The following CNTLN variants were observed in gnomAD, a reference collection of about 807,000 sequenced individuals.
The protein encoded by CNTLN is centlein, centrosomal protein.
CNTLN carries 212 observed loss-of-function variants against 180.0 expected under a neutral mutation model. That is an observed-to-expected ratio of 1.18 (90% CI 1.05 to 1.32). CNTLN has a LOEUF of 1.32. Among genes scored for constraint, CNTLN ranks in the 40% most tolerant of loss-of-function variants. The pLI, the probability that CNTLN is intolerant of heterozygous loss-of-function variation, is 0.00. For missense variants in CNTLN, 2,095 were observed against 1,610.9 expected, an observed-to-expected ratio of 1.30 and a Z score of -5.14; for synonymous variants, 722 against 563.1, an observed-to-expected ratio of 1.28 and a Z score of -3.99.
chr9:17,171,908 C>T (rs1479657376), intron 2 of CNTLN, among the ~76,000 whole-genome samples: 3 of 152,114 alleles, frequency 2.0e-5, no homozygotes, highest in Admixed American at 6.6e-5. Flanking sequence ...ATTAGAGTAG[C>T]CATGGAGCCA....
chr9:17,271,559 A>C (rs757000899), intron 5 of CNTLN, among the ~76,000 whole-genome samples: 1 of 152,150 alleles, frequency 6.6e-6, no homozygotes, highest in Non-Finnish European at 1.5e-5. Context: ...TAAAATACAT[A>C]TATTATATCC....
chr9:17,330,971 G>A (rs955837875), intron 9 of CNTLN, among the ~76,000 whole-genome samples, 163 bp downstream of exon 9: 5 of 151,912 alleles, frequency 3.3e-5, no homozygotes, highest in Admixed American at 6.6e-5. Context: ...TTAGGAGTAA[G>A]GAGTTTTCCC....
At chr9:17,385,629 C>T (rs1383765012) in intron 13 of CNTLN, among the ~76,000 whole-genome samples, 1 of 152,074 alleles carries the variant, frequency 6.6e-6, no homozygotes, top group African/African-American at 2.4e-5. Context: ...GGTTCCACAT[C>T]CCTGGATTCA....
At chr9:17,327,386 G>A (rs368776598) in intron 8 of CNTLN, among the ~76,000 whole-genome samples, 72 of 151,368 alleles carry the variant, frequency 4.8e-4, no homozygotes, top group African/African-American at 1.6e-3. Context: ...GGGTTTCACC[G>A]TGTTAGCCAG....
intron 2 of CNTLN, among the ~76,000 whole-genome samples, chr9:17,202,091 A>G (rs1822572932): frequency 6.6e-6 from 1 of 152,142 alleles, no homozygotes; most frequent in Admixed American, 6.5e-5. Flanking sequence ...TTTGTTATTT[A>G]CCCAGTAGTC....
intron 23 of CNTLN, among the ~76,000 whole-genome samples, chr9:17,471,847 T>G (rs1274103441): frequency 7.9e-5 from 12 of 152,056 alleles, no homozygotes; most frequent in Non-Finnish European, 1.5e-5. Context: ...CACCCAGTGT[T>G]GAAAACAGGC....
rs1245062859 is a variant in CNTLN at position 17,336,403 on chromosome 9, T to G, written c.1644+3673T>G. Among the ~76,000 whole-genome samples, 4 of 152,210 alleles carry G rather than the reference T, an allele frequency of 2.6e-5. No homozygotes were observed. The East Asian group carries it at 5.8e-4, about 22-fold the overall frequency. ...TGTATCTATCTTATATTTACATTTT[T>G]ATAAAACTTTACTCTCTATTGCTGA... is the stretch of plus-strand genomic sequence containing the variant. On this transcript the variant is annotated intron_variant, in intron 10 of 25. Coordinates refer to ENST00000380647, the MANE Select transcript of CNTLN (RefSeq NM_017738.4).
chr9:17,174,154 T>G (rs1057071851), intron 2 of CNTLN, among the ~76,000 whole-genome samples: 1 of 152,228 alleles, frequency 6.6e-6, no homozygotes, highest in African/African-American at 2.4e-5. Context: ...CTTTCAAATT[T>G]TTGTATATAT....
chr9:17,155,786 A>G (rs548807081), intron 2 of CNTLN, among the ~76,000 whole-genome samples: 81 of 150,488 alleles, frequency 5.4e-4, no homozygotes, highest in South Asian at 1.1e-3. Context: ...AGGGTATGGA[A>G]AAAAAAAAAG....
intron 12 of CNTLN, among the ~76,000 whole-genome samples, chr9:17,358,129 T>C (rs1479405036): frequency 1.3e-5 from 2 of 152,084 alleles, no homozygotes; most frequent in Non-Finnish European, 2.9e-5. Context: ...GAGATTCTTA[T>C]GATGTTTTTA....
chr9:17,299,425 T>C, intron 7 of CNTLN: 3 of 969,398 alleles, frequency 3.1e-6, no homozygotes, highest in Non-Finnish European at 3.7e-6. Context: ...CCTCTAGAAT[T>C]ACTGGATTTT....
intron 18 of CNTLN, among the ~76,000 whole-genome samples, chr9:17,456,039 G>T (rs1036373735): frequency 1.3e-5 from 2 of 152,052 alleles, no homozygotes; most frequent in Non-Finnish European, 1.5e-5. Context: ...GAGAGAGAGG[G>T]TTGTTGTAAT....
intron 2 of CNTLN, among the ~76,000 whole-genome samples, chr9:17,154,942 C>T (rs1178065871): frequency 4.6e-5 from 7 of 152,194 alleles, no homozygotes; most frequent in African/African-American, 1.4e-4. Context: ...TCTTTGGGTC[C>T]GCACTACCTT....
chr9:17,200,706 A>G (rs1207083701), intron 2 of CNTLN, among the ~76,000 whole-genome samples: 1 of 152,196 alleles, frequency 6.6e-6, no homozygotes. Context: ...ACTTTGCTGA[A>G]GTTGCTTACC....
intron 18 of CNTLN, chr9:17,447,087 G>T: frequency 5.1e-6 from 1 of 197,928 alleles, no homozygotes. Context: ...GAGAGAAATT[G>T]CCTGGTGGGC....
At chr9:17,507,948 G>A (rs576399833), downstream of CNTLN, among the ~76,000 whole-genome samples, 5 of 152,280 alleles carry the variant, frequency 3.3e-5, no homozygotes, top group Admixed American at 2.0e-4. Context: ...TTTAAAAGAA[G>A]GTGGTGCCCC....
chr9:17,293,305 G>A (rs1255845277), intron 6 of CNTLN, among the ~76,000 whole-genome samples: 5 of 152,208 alleles, frequency 3.3e-5, no homozygotes, highest in East Asian at 1.9e-4. Context: ...TTGGCGGAGC[G>A]GGTGCGCTGT....
chr9:17,258,505 T>A (rs1277026171), intron 5 of CNTLN, among the ~76,000 whole-genome samples: 1 of 151,356 alleles, frequency 6.6e-6, no homozygotes, highest in African/African-American at 2.5e-5. Flanking sequence ...TTTTTTCCAA[T>A]TCTGTGAAGA....
chr9:17,272,895 C>T (rs1186784674), intron 5 of CNTLN, among the ~76,000 whole-genome samples: 3 of 152,072 alleles, frequency 2.0e-5, no homozygotes, highest in African/African-American at 7.2e-5. Flanking sequence ...CCCTCCCTCC[C>T]TCCTTCTGCC....
Sources: gnomAD v4.1 joint callset for allele counts (sites outside exome capture counted in the v4.1 genomes callset) on GRCh38, gnomAD v4.1.1 for gene constraint, MANE v1.5 for transcripts, NCBI Gene and HGNC (gene_info 2026-07-23, HGNC 2026-07-21) for gene names.